TENM4: variants seen among roughly 807,000 people sequenced by gnomAD.
TENM4 encodes the protein teneurin transmembrane protein 4, also known as teneurin-4.
A neutral mutation model predicts 243.3 loss-of-function variants in TENM4; 82 were observed. The observed-to-expected ratio is 0.34, with a 90% CI of 0.28 to 0.40. The LOEUF is 0.40. Among genes scored for constraint, TENM4 ranks in the 10% least tolerant of loss-of-function variants. The probability of loss-of-function intolerance (pLI) is 1.00; values close to 1 mark genes in which losing one functional copy is unlikely to be tolerated. For synonymous variants in TENM4, 1,412 were observed against 1,456.3 expected (o/e 0.97, Z 0.69); for missense variants, 3,138 against 3,673.3 (o/e 0.85, Z 3.77).
chr11:79,281,280 A>G (rs544141031), intron 2 of TENM4, among the ~76,000 whole-genome samples: 2 of 152,266 alleles, frequency 1.3e-5, no homozygotes, highest in East Asian at 3.9e-4. Flanking sequence ...AGAGGAGGAG[A>G]TGGAGACTCA....
At chr11:79,312,179 G>A (rs1423743930) in intron 1 of TENM4, among the ~76,000 whole-genome samples, 3 of 152,138 alleles carry the variant, frequency 2.0e-5, no homozygotes, top group African/African-American at 4.8e-5. Flanking sequence ...ATCATTCTCA[G>A]AGGACATATC....
At chr11:78,946,917 AAG>A (rs1857011938) in intron 6 of TENM4, among the ~76,000 whole-genome samples, 1 of 152,224 alleles carries the variant, frequency 6.6e-6, no homozygotes, top group African/African-American at 2.4e-5. Context: ...TGGATGAGCA[AAG>A]AGAGTGGTTT....
intron 15 of TENM4, among the ~76,000 whole-genome samples, chr11:78,788,562 A>C (rs1856986719): frequency 6.6e-6 from 1 of 152,198 alleles, no homozygotes; most frequent in Non-Finnish European, 1.5e-5. Context: ...TTGTCTGGAG[A>C]GTGTGAGCTG....
chr11:79,251,260 A>G (rs1415052888), intron 2 of TENM4, among the ~76,000 whole-genome samples: 1 of 152,218 alleles, frequency 6.6e-6, no homozygotes, highest in Admixed American at 6.5e-5. Context: ...TCCTCCCTCC[A>G]TGTATGAGAT....
At position 79,069,803 on chromosome 11, in the gene TENM4, A is replaced by G. The variant is rs1191723989; in HGVS notation, c.142T>C (p.Tyr48His). The change falls in exon 5 of 34, where the codon TAC (tyrosine) becomes CAC (histidine). Residue 48 changes from tyrosine (Y) to histidine (H), a missense_variant. Transcript: ENST00000278550. ...SYSSSETLKA[Y>H]DQDARLAYGS... ...TAGGCTAGGCGGGCGTCCTGGTCGT[A>G]GGCCTTCAGGGTCTCGCTGGAGCTG... 6.4e-7 allele frequency: 1 copy of G among 1,551,204 alleles called. No individual in the cohort carries two copies. Among genetic ancestry groups the G allele is most frequent in the Non-Finnish European group, 8.7e-7 (1 of 1,146,902 alleles).
At chr11:79,239,378 C>T (rs959542291) in intron 2 of TENM4, among the ~76,000 whole-genome samples, 1 of 152,224 alleles carries the variant, frequency 6.6e-6, no homozygotes, top group African/African-American at 2.4e-5. Context: ...GAGTCAGACA[C>T]TTCCAAAATA....
intron 1 of TENM4, among the ~76,000 whole-genome samples, chr11:79,306,142 A>G (rs949865269): frequency 2.0e-5 from 3 of 152,206 alleles, no homozygotes; most frequent in Non-Finnish European, 2.9e-5. Flanking sequence ...ATGCAGTTAA[A>G]TGATGTTTTT....
intron 1 of TENM4, among the ~76,000 whole-genome samples, chr11:79,406,968 C>T (rs1245357506): frequency 2.0e-5 from 3 of 152,122 alleles, no homozygotes; most frequent in Admixed American, 2.0e-4. Flanking sequence ...TACTTCTGTG[C>T]CAGGCTCTAT....
chr11:79,365,731 G>A (rs998452226), intron 1 of TENM4, among the ~76,000 whole-genome samples: 1 of 152,140 alleles, frequency 6.6e-6, no homozygotes, highest in Non-Finnish European at 1.5e-5. Flanking sequence ...GAAGCAGGAG[G>A]AGCTAAGCCC....
intron 6 of TENM4, among the ~76,000 whole-genome samples, chr11:78,916,042 A>G (rs775204870): frequency 3.3e-5 from 5 of 152,196 alleles, no homozygotes; most frequent in African/African-American, 1.2e-4. Context: ...CACACTGGTC[A>G]TATTACAGAC....
chr11:79,300,348 G>T (rs980496276), intron 1 of TENM4, among the ~76,000 whole-genome samples: 3 of 152,108 alleles, frequency 2.0e-5, no homozygotes, highest in African/African-American at 7.2e-5. Context: ...CTTTAATTTA[G>T]TAAAATAGCA....
intron 6 of TENM4, among the ~76,000 whole-genome samples, chr11:78,953,813 C>A (rs1337471902): frequency 6.6e-6 from 1 of 152,070 alleles, no homozygotes; most frequent in Non-Finnish European, 1.5e-5. Context: ...GTCCTGGAAC[C>A]AATCCCCTGT....
chr11:78,898,498 G>C (rs1423873617), intron 7 of TENM4, among the ~76,000 whole-genome samples: 1 of 152,170 alleles, frequency 6.6e-6, no homozygotes. Context: ...ATTCTGGTGG[G>C]GACTGGCCCA....
At chr11:79,140,155 G>A (rs1196278696) in intron 4 of TENM4, among the ~76,000 whole-genome samples, 2 of 151,918 alleles carry the variant, frequency 1.3e-5, no homozygotes, top group African/African-American at 4.8e-5. Flanking sequence ...CAGAATCATA[G>A]GCAGTTCCGG....
intron 15 of TENM4, among the ~76,000 whole-genome samples, chr11:78,794,215 A>AG (rs1165864698): frequency 1.3e-5 from 2 of 152,150 alleles, no homozygotes; most frequent in Non-Finnish European, 2.9e-5. Context: ...AAGATACTGG[A>AG]GGGAGCAAGG....
intron 1 of TENM4, among the ~76,000 whole-genome samples, chr11:79,376,848 T>C (rs1857902288): frequency 6.6e-6 from 1 of 152,172 alleles, no homozygotes; most frequent in South Asian, 2.1e-4. Flanking sequence ...TCTGTGCTTA[T>C]TCTCTATGCA....
At chr11:79,164,957 ATGTGTGTGTGTGTGTGTG>A (rs369197845) in intron 3 of TENM4, among the ~76,000 whole-genome samples, 1 of 139,862 alleles carries the variant, frequency 7.1e-6, no homozygotes, top group African/African-American at 2.6e-5. Flanking sequence ...CTATATATAT[ATGTGTGTGTGTGTGTGTG>A]TGTGTGTGTG....
chr11:78,752,393 G>T (rs1030770523), intron 19 of TENM4, among the ~76,000 whole-genome samples: 1 of 152,246 alleles, frequency 6.6e-6, no homozygotes, highest in Non-Finnish European at 1.5e-5. Flanking sequence ...TCCCTCCTCT[G>T]GTCCCAGCAG....
rs1037868589 is a variant in TENM4, at chr11:78,839,110, C to T, written c.1681+14994G>A. On this transcript the variant is annotated intron_variant, in intron 12 of 33. Transcript: ENST00000278550. ...ATATTAAGATATTTAAAGATGAGTACCCTTTCATGATTCTTCTTCCTGTAA... is the reference window on the plus strand; with the variant it reads ...ATATTAAGATATTTAAAGATGAGTATCCTTTCATGATTCTTCTTCCTGTAA... 1.4e-4 allele frequency among the ~76,000 whole-genome samples: 22 copies of T among 152,136 alleles called. 1 individual carries two copies. The highest frequency in any genetic ancestry group is 7.9e-4 in the Admixed American group (12 of 15,274).
Sources: gnomAD v4.1 joint callset for allele counts (sites outside exome capture counted in the v4.1 genomes callset) on GRCh38, gnomAD v4.1.1 for gene constraint, MANE v1.5 for transcripts, NCBI Gene and HGNC (gene_info 2026-07-23, HGNC 2026-07-21) for gene names.